Variants in EPG5 observed in about 807,000 individuals in gnomAD.
The protein encoded by EPG5 is ectopic P granules protein 5 homolog.
EPG5 carries 159 observed loss-of-function variants against 302.7 expected under a neutral mutation model. The ratio of observed to expected loss-of-function variants is 0.53; its 90% confidence interval spans 0.46 to 0.60. The LOEUF (loss-of-function observed/expected upper bound fraction) is 0.60. EPG5 is among the 20% of genes least tolerant of loss of function. The pLI, the probability that EPG5 is intolerant of heterozygous loss-of-function variation, is 0.00. For synonymous variants in EPG5, 1,158 were observed against 1,136.8 expected (o/e 1.02, Z -0.37); for missense variants, 2,896 against 3,092.4 (o/e 0.94, Z 1.51).
At position 45,852,962 on chromosome 18, in the gene EPG5, C is replaced by T. The variant is rs114396511; in HGVS notation, c.7558-313G>A. ...GTGGCAGGCTGCTCTTGTTGCTGGGCGCCTCACCTGCCACACCGATTTCTA... is the reference window on the plus strand; with the variant it reads ...GTGGCAGGCTGCTCTTGTTGCTGGGTGCCTCACCTGCCACACCGATTTCTA... On this transcript the variant is annotated intron_variant, in intron 43 of 43. Coordinates refer to ENST00000282041, the MANE Select transcript of EPG5 (RefSeq NM_020964.3). Among the ~76,000 whole-genome samples the T allele has an allele frequency of 5.3e-3, 802 of 152,280 alleles. 4 individuals carry two copies. The highest frequency in any genetic ancestry group is 0.02 in the Middle Eastern group (6 of 294).
chr18:45,806,030 AACTC>A, the EPG5 span, among the ~76,000 whole-genome samples: 1 of 152,230 alleles, frequency 6.6e-6, no homozygotes, highest in Non-Finnish European at 1.5e-5. Flanking sequence ...AATGGAAATA[AACTC>A]ACTGTTTGAA....
At chr18:45,891,058 G>C (rs1163352669) in intron 27 of EPG5, among the ~76,000 whole-genome samples, 1 of 152,048 alleles carries the variant, frequency 6.6e-6, no homozygotes, top group Non-Finnish European at 1.5e-5. Context: ...TTCCTTACAT[G>C]CACCTGCCCA....
At chr18:45,841,393 G>A in the EPG5 span, among the ~76,000 whole-genome samples, 1 of 152,184 alleles carries the variant, frequency 6.6e-6, no homozygotes, top group Admixed American at 6.5e-5. Flanking sequence ...GGCATTTCTG[G>A]AGGGTGGACG....
chr18:45,804,914 A>C, the EPG5 span, among the ~76,000 whole-genome samples: 1 of 152,162 alleles, frequency 6.6e-6, no homozygotes, highest in Non-Finnish European at 1.5e-5. Context: ...TAAATGTCAT[A>C]TGGTAATCAT....
chr18:45,885,441 G>C (rs1475217820), intron 29 of EPG5, among the ~76,000 whole-genome samples: 1 of 152,122 alleles, frequency 6.6e-6, no homozygotes, highest in East Asian at 1.9e-4. Context: ...TCCCCACCAT[G>C]ATTACTACAG....
chr18:45,943,193 C>T lies in EPG5; in HGVS notation c.1911G>A (p.Arg637=). The change falls in exon 9 of 44, where the codon AGG becomes AGA. Residue 637 remains arginine, a synonymous_variant. Coordinates refer to ENST00000282041, the MANE Select transcript of EPG5 (RefSeq NM_020964.3). ...TATAACCAATTCGCTTCACAAACTG[C>T]CTATAGCGTGCTCTATTAAAGGTTT... is the stretch of plus-strand genomic sequence containing the variant. ...GLETFNRARY[R]QFVKRIGYMI... 1 of 1,614,130 alleles carries T rather than the reference C, an allele frequency of 6.2e-7. No individual in the cohort carries two copies.
chr18:45,893,845 A>G (rs1404272827), intron 27 of EPG5, among the ~76,000 whole-genome samples: 2 of 152,220 alleles, frequency 1.3e-5, no homozygotes, highest in African/African-American at 4.8e-5. Context: ...AATTTTTAAT[A>G]AGAAAAAGTT....
At chr18:45,888,600 T>C (rs1483149560) in intron 28 of EPG5, among the ~76,000 whole-genome samples, 1 of 152,126 alleles carries the variant, frequency 6.6e-6, no homozygotes, top group East Asian at 1.9e-4. Flanking sequence ...CCACCGCACC[T>C]GGCCAATTTT....
At chr18:45,842,042 T>A in the EPG5 span, 1 of 1,464,092 alleles carries the variant, frequency 6.8e-7, no homozygotes, top group African/African-American at 1.4e-5. Flanking sequence ...TGCTGGCATA[T>A]AGTTTGGGCA....
intron 5 of EPG5, 86 bp downstream of exon 5, chr18:45,949,398 C>CTT: frequency 4.4e-6 from 3 of 685,564 alleles, no homozygotes; most frequent in Admixed American, 3.0e-5. Flanking sequence ...TTAAATAGTC[C>CTT]TTTTTTTTTC....
chr18:45,815,939 G>C, the EPG5 span, among the ~76,000 whole-genome samples: 1 of 152,056 alleles, frequency 6.6e-6, no homozygotes, highest in East Asian at 1.9e-4. Flanking sequence ...CACAAAAATA[G>C]GCACATAGAC....
intron 27 of EPG5, among the ~76,000 whole-genome samples, chr18:45,897,697 C>T (rs1354890030): frequency 6.6e-6 from 1 of 152,116 alleles, no homozygotes; most frequent in East Asian, 1.9e-4. Flanking sequence ...ACTTTTAGGT[C>T]AAATTTCTGA....
At chr18:45,889,599 G>A (rs2049294416) in intron 28 of EPG5, among the ~76,000 whole-genome samples, 199 bp downstream of exon 28, 1 of 152,118 alleles carries the variant, frequency 6.6e-6, no homozygotes, top group Non-Finnish European at 1.5e-5. Context: ...ATAAATAAAT[G>A]GGGATGGCTG....
intron 35 of EPG5, among the ~76,000 whole-genome samples, chr18:45,875,368 C>T (rs968311362): frequency 1.3e-5 from 2 of 151,942 alleles, no homozygotes; most frequent in Non-Finnish European, 2.9e-5. Flanking sequence ...GTACATACAT[C>T]ATAAAGTAAG....
the EPG5 span, among the ~76,000 whole-genome samples, chr18:45,822,871 T>C: frequency 6.6e-6 from 1 of 152,232 alleles, no homozygotes; most frequent in Admixed American, 6.5e-5. Context: ...GATGCATTCA[T>C]GCCTTCCGGG....
intron 24 of EPG5, among the ~76,000 whole-genome samples, chr18:45,905,506 A>G (rs996635505): frequency 6.6e-6 from 1 of 152,234 alleles, no homozygotes; most frequent in Admixed American, 6.5e-5. Flanking sequence ...GTGCTGGGCT[A>G]GATCCTCCTA....
At chr18:45,963,107 G>C (rs2051182620) in intron 1 of EPG5, among the ~76,000 whole-genome samples, 1 of 152,158 alleles carries the variant, frequency 6.6e-6, no homozygotes, top group Non-Finnish European at 1.5e-5. Context: ...CTGAGAACAA[G>C]ACAGGTCCCT....
chr18:45,858,197 A>T (rs923527601), intron 41 of EPG5, 129 bp from the exon 42 acceptor site: 4 of 669,932 alleles, frequency 6.0e-6, no homozygotes, highest in African/African-American at 3.6e-5. Flanking sequence ...CTAACGGCTG[A>T]TGTTAATAGA....
At chr18:45,948,614 A>T in intron 5 of EPG5, 38 bp from the exon 6 acceptor site, 1 of 1,523,738 alleles carries the variant, frequency 6.6e-7, no homozygotes, top group Non-Finnish European at 9.1e-7. Flanking sequence ...TGTAGAAAAC[A>T]AATAACCCAA....
Sources: allele counts gnomAD v4.1 joint callset (sites outside exome capture counted in the v4.1 genomes callset), GRCh38; gene constraint gnomAD v4.1.1; transcripts MANE v1.5; gene names NCBI Gene and HGNC (gene_info 2026-07-23, HGNC 2026-07-21).